Variants in DLGAP1 observed in about 807,000 individuals in gnomAD.
The protein encoded by DLGAP1 is DLG associated protein 1.
In DLGAP1, 11 loss-of-function variants were observed where a neutral mutation model predicts 90.8. That is an observed-to-expected ratio of 0.12 (90% CI 0.08 to 0.20). The LOEUF is 0.20. DLGAP1 is among the 10% of genes least tolerant of loss of function. The pLI is 1.00. For missense variants in DLGAP1, 1,050 were observed against 1,333.8 expected (o/e 0.79, Z 3.31); for synonymous variants, 558 against 540.7 (o/e 1.03, Z -0.44).
At chr18:4,015,631 T>C (rs1187527851) in intron 2 of DLGAP1, among the ~76,000 whole-genome samples, 1 of 152,226 alleles carries the variant, frequency 6.6e-6, no homozygotes, top group Non-Finnish European at 1.5e-5. Context: ...TGAAAAACAC[T>C]GGCTACGACA....
At chr18:4,109,854 C>T (rs530649115) in intron 2 of DLGAP1, among the ~76,000 whole-genome samples, 5 of 151,868 alleles carry the variant, frequency 3.3e-5, no homozygotes, top group African/African-American at 4.8e-5. Context: ...GATTTGGGTT[C>T]GATTTTCCTT....
At chr18:3,893,614 TAATAATAAG>T (rs1358236438) in intron 3 of DLGAP1, among the ~76,000 whole-genome samples, 6 of 145,574 alleles carry the variant, frequency 4.1e-5, no homozygotes, top group South Asian at 2.2e-4. Flanking sequence ...ATAATAATAA[TAATAATAAG>T]AACAATTCAA....
intron 10 of DLGAP1, among the ~76,000 whole-genome samples, chr18:3,518,240 G>A (rs2050961351): frequency 6.6e-6 from 1 of 152,178 alleles, no homozygotes; most frequent in Non-Finnish European, 1.5e-5. Context: ...GGAGAGAGAT[G>A]GGAATGGCAG....
At chr18:3,600,769 T>G (rs2056887404) in intron 7 of DLGAP1, among the ~76,000 whole-genome samples, 5 of 117,614 alleles carry the variant, frequency 4.3e-5, no homozygotes, top group Non-Finnish European at 6.5e-5. Flanking sequence ...TATATAGATA[T>G]ATATAGATAT....
intron 4 of DLGAP1, among the ~76,000 whole-genome samples, chr18:3,839,485 G>T (rs538353481): frequency 4.2e-4 from 64 of 152,270 alleles, no homozygotes; most frequent in African/African-American, 1.4e-3. Context: ...GGACTTGAGT[G>T]ATGGGAAAGA....
intron 3 of DLGAP1, among the ~76,000 whole-genome samples, chr18:3,908,831 C>T (rs912002789): frequency 2.0e-5 from 3 of 152,120 alleles, no homozygotes; most frequent in Non-Finnish European, 4.4e-5. Context: ...CCAGGGGTAA[C>T]ATGTTCCTAA....
chr18:3,929,643 T>C (rs1186086750), intron 3 of DLGAP1, among the ~76,000 whole-genome samples: 4 of 152,176 alleles, frequency 2.6e-5, no homozygotes, highest in Non-Finnish European at 4.4e-5. Context: ...GATTTCTCTC[T>C]GGGGGCAGAT....
At position 3,660,373 on chromosome 18, in the gene DLGAP1, C is replaced by T. The variant is rs749911747; in HGVS notation, c.1591+68762G>A. 5.3e-5 allele frequency among the ~76,000 whole-genome samples: 8 copies of T among 152,202 alleles called. No individual in the cohort carries two copies. Among genetic ancestry groups the T allele is most frequent in the Non-Finnish European group, 7.3e-5 (5 of 68,038 alleles). On this transcript the variant is annotated intron_variant, in intron 7 of 12. Coordinates refer to ENST00000315677, the MANE Select transcript of DLGAP1 (RefSeq NM_004746.4). The surrounding 1 kb of genome is among the most constrained non-coding windows in gnomAD (Gnocchi z 4.2). ...AGTTATCTCATTGATTTCACATCTG[C>T]GTCCTTGTTTACCTCTGTCCTCCTC...
chr18:3,642,714 C>T (rs547494857), intron 7 of DLGAP1, among the ~76,000 whole-genome samples: 5 of 152,220 alleles, frequency 3.3e-5, no homozygotes, highest in East Asian at 1.9e-4. Context: ...TAATTATGAA[C>T]GTATTATAAA....
intron 8 of DLGAP1, chr18:3,580,256 G>A (rs1422691870): frequency 1.2e-5 from 19 of 1,604,374 alleles, no homozygotes; most frequent in Non-Finnish European, 1.5e-5. Flanking sequence ...ACCAGTCAGT[G>A]GAGTGGGGGA....
intron 2 of DLGAP1, among the ~76,000 whole-genome samples, chr18:4,015,305 T>C (rs2074502871): frequency 6.6e-6 from 1 of 152,142 alleles, no homozygotes; most frequent in Non-Finnish European, 1.5e-5. Context: ...CAATTGGTAG[T>C]GAAGACCAAG....
chr18:3,712,862 C>A (rs560672842), intron 7 of DLGAP1, among the ~76,000 whole-genome samples: 1 of 152,362 alleles, frequency 6.6e-6, no homozygotes, highest in South Asian at 2.1e-4. Flanking sequence ...GGAATCAATT[C>A]ACTCCTAACT....
At chr18:3,814,451 T>G (rs1471797282) in intron 4 of DLGAP1, among the ~76,000 whole-genome samples, 178 bp from the exon 5 acceptor site, 1 of 151,304 alleles carries the variant, frequency 6.6e-6, no homozygotes. Context: ...AAGCTCTGCT[T>G]CCTGGGTTCA....
chr18:3,919,249 T>A (rs1350988564), intron 3 of DLGAP1, among the ~76,000 whole-genome samples: 1 of 152,224 alleles, frequency 6.6e-6, no homozygotes, highest in Non-Finnish European at 1.5e-5. Flanking sequence ...TGAAGGTACC[T>A]ATGGGCAAAT....
intron 2 of DLGAP1, among the ~76,000 whole-genome samples, chr18:4,144,414 C>A (rs4798181): frequency 4.0e-4 from 61 of 152,238 alleles, no homozygotes; most frequent in African/African-American, 1.2e-3. Context: ...ACAAAAAGTC[C>A]CACAATCACT....
intron 1 of DLGAP1, among the ~76,000 whole-genome samples, chr18:4,316,674 C>T (rs2080535808): frequency 6.6e-6 from 1 of 152,170 alleles, no homozygotes; most frequent in Admixed American, 6.5e-5. Context: ...ATGGTTGCAG[C>T]CATATCCTGA....
chr18:3,555,237 T>C (rs1480152124), intron 9 of DLGAP1, among the ~76,000 whole-genome samples: 1 of 152,220 alleles, frequency 6.6e-6, no homozygotes, highest in Non-Finnish European at 1.5e-5. Context: ...ATCATTAACA[T>C]CAATTTCAAT....
At chr18:4,144,071 T>C (rs2076539772) in intron 2 of DLGAP1, among the ~76,000 whole-genome samples, 1 of 152,112 alleles carries the variant, frequency 6.6e-6, no homozygotes, top group East Asian at 1.9e-4. Context: ...TGCCTGGTAC[T>C]GGGGGAGGGG....
chr18:4,123,829 T>G (rs1251544291), intron 2 of DLGAP1, among the ~76,000 whole-genome samples: 1 of 152,208 alleles, frequency 6.6e-6, no homozygotes, highest in East Asian at 1.9e-4. Flanking sequence ...ATGTGTGGGT[T>G]GGTTTTGCCC....
Sources: gnomAD v4.1 joint callset for allele counts (sites outside exome capture counted in the v4.1 genomes callset) on GRCh38, gnomAD v4.1.1 for gene constraint, Gnocchi (gnomAD v3.1) non-coding constraint, MANE v1.5 for transcripts, NCBI Gene and HGNC (gene_info 2026-07-23, HGNC 2026-07-21) for gene names.